Variants in BMPR1B observed in about 807,000 individuals in gnomAD.
BMPR1B encodes the protein bone morphogenetic protein receptor type-1B.
Under a neutral mutation model 59.1 loss-of-function variants are expected in BMPR1B, and 12 were observed. The ratio of observed to expected loss-of-function variants is 0.20; its 90% CI spans 0.13 to 0.33. The LOEUF is 0.33. Among genes scored for constraint, BMPR1B ranks in the 10% least tolerant of loss-of-function variants. BMPR1B has a pLI of 1.00. For synonymous variants in BMPR1B, 237 were observed against 207.3 expected (o/e 1.14, Z -1.23); for missense variants, 550 against 610.9 (o/e 0.90, Z 1.05).
chr4:95,056,105 A>G (rs1049195714), intron 3 of BMPR1B, among the ~76,000 whole-genome samples: 13 of 152,234 alleles, frequency 8.5e-5, no homozygotes, highest in African/African-American at 3.1e-4. Flanking sequence ...AACTAATTAT[A>G]GAACAATTAT....
chr4:95,021,224 C>T (rs1296335577), intron 3 of BMPR1B, among the ~76,000 whole-genome samples: 1 of 152,156 alleles, frequency 6.6e-6, no homozygotes, highest in Admixed American at 6.5e-5. Context: ...TCTTTCAATT[C>T]CTACCATATT....
intron 3 of BMPR1B, among the ~76,000 whole-genome samples, chr4:95,056,757 A>T (rs17346133): frequency 0.029 from 4,386 of 152,222 alleles, 80 homozygotes; most frequent in Non-Finnish European, 0.048. Context: ...CTCACTGCTT[A>T]CTGAGCATCA....
chr4:95,081,828 A>G lies in BMPR1B; in HGVS notation c.-17-22580A>G, dbSNP rs529693100. ...TTATTCTTAATATGTCAATCACAAC[A>G]ACATGCTATAACAGATTGAGTGCAG... On this transcript the variant is annotated intron_variant, in intron 3 of 12. Coordinates refer to ENST00000515059, the MANE Select transcript of BMPR1B (RefSeq NM_001203.3). 1.2e-4 allele frequency among the ~76,000 whole-genome samples: 19 copies of G among 152,342 alleles called. No homozygotes were observed. The South Asian group carries it at 3.7e-3, about 30-fold the overall frequency.
chr4:94,891,226 T>TA (rs958620633), intron 2 of BMPR1B, among the ~76,000 whole-genome samples: 31 of 152,108 alleles, frequency 2.0e-4, no homozygotes, highest in African/African-American at 7.2e-4. Context: ...ACATTCCACT[T>TA]ACATCTTATT....
intron 9 of BMPR1B, among the ~76,000 whole-genome samples, chr4:95,130,765 C>CTG (rs1330553976): frequency 2.6e-5 from 3 of 113,678 alleles, no homozygotes; most frequent in African/African-American, 1.0e-4. Context: ...AAGTCTCGCT[C>CTG]TGTCACCCAG....
chr4:94,844,977 A>C (rs1268006692), intron 1 of BMPR1B, among the ~76,000 whole-genome samples: 2 of 152,208 alleles, frequency 1.3e-5, no homozygotes. Flanking sequence ...GAGAGTAAAG[A>C]GGAAAAATTA....
chr4:95,060,660 C>G (rs752096290), intron 3 of BMPR1B, among the ~76,000 whole-genome samples: 1 of 152,162 alleles, frequency 6.6e-6, no homozygotes, highest in African/African-American at 2.4e-5. Context: ...GAAATCTGTT[C>G]AGAGTTTGGC....
intron 3 of BMPR1B, among the ~76,000 whole-genome samples, chr4:95,042,369 A>G (rs1027583955): frequency 9.8e-5 from 15 of 152,362 alleles, no homozygotes; most frequent in African/African-American, 3.6e-4. Flanking sequence ...TCGCTGACAC[A>G]GTGACACCTT....
intron 3 of BMPR1B, among the ~76,000 whole-genome samples, chr4:95,008,383 C>A (rs1722998561): frequency 6.6e-6 from 1 of 152,116 alleles, no homozygotes; most frequent in Non-Finnish European, 1.5e-5. Flanking sequence ...CCATCCATGG[C>A]AGATATCATC....
chr4:94,798,058 G>T (rs937459791), intron 1 of BMPR1B, among the ~76,000 whole-genome samples: 2 of 152,156 alleles, frequency 1.3e-5, no homozygotes, highest in African/African-American at 4.8e-5. Context: ...TACAGCATTT[G>T]TGATTATTAT....
chr4:95,075,717 A>C (rs1482621598), intron 3 of BMPR1B, among the ~76,000 whole-genome samples: 1 of 147,702 alleles, frequency 6.8e-6, no homozygotes, highest in African/African-American at 2.5e-5. Flanking sequence ...TTTTGAGAGA[A>C]TTTTCATATT....
intron 1 of BMPR1B, among the ~76,000 whole-genome samples, chr4:94,834,203 A>G (rs1724709707): frequency 6.6e-6 from 1 of 152,192 alleles, no homozygotes; most frequent in Non-Finnish European, 1.5e-5. Context: ...GAGTATCAGC[A>G]GGTGATCATC....
At chr4:95,041,569 C>T (rs887108702) in intron 3 of BMPR1B, among the ~76,000 whole-genome samples, 3 of 151,816 alleles carry the variant, frequency 2.0e-5, no homozygotes, top group Non-Finnish European at 2.9e-5. Context: ...GTGAATCTTA[C>T]CAGCCTCCCA....
chr4:94,948,228 C>A (rs1729792310), intron 2 of BMPR1B, among the ~76,000 whole-genome samples: 1 of 152,186 alleles, frequency 6.6e-6, no homozygotes, highest in Non-Finnish European at 1.5e-5. Flanking sequence ...TCAAACTCTT[C>A]TAAAGAGCCT....
chr4:94,865,721 G>T (rs940664141), intron 1 of BMPR1B, among the ~76,000 whole-genome samples: 1 of 152,068 alleles, frequency 6.6e-6, no homozygotes, highest in African/African-American at 2.4e-5. Context: ...TCCTTCAATG[G>T]TTCCCATTGC....
intron 3 of BMPR1B, among the ~76,000 whole-genome samples, chr4:94,998,055 T>C (rs1233376335): frequency 1.3e-5 from 2 of 152,184 alleles, no homozygotes; most frequent in African/African-American, 4.8e-5. Context: ...AAATACAAAA[T>C]TGTGACACTG....
chr4:95,131,325 G>C lies in BMPR1B; in HGVS notation c.889G>C (p.Asp297His), dbSNP rs1205132180. 6.2e-7 allele frequency: 1 copy of C among 1,613,762 alleles called. No homozygotes were observed. The highest frequency in any genetic ancestry group is 8.5e-7 in the Non-Finnish European group (1 of 1,179,992). ...TGATTATCTGAAGTCCACCACCCTA[G>C]ACGCTAAATCAATGCTGAAGTTAGC... ...LYDYLKSTTL[D>H]AKSMLKLAYS... Residue 297 changes from aspartate to histidine, a missense_variant, in exon 10 of 13, where the codon GAC becomes CAC. This residue lies in a region of BMPR1B where 318 missense variants were observed against 284.6 expected (regional missense o/e 1.12). Transcript: ENST00000515059.
intron 1 of BMPR1B, among the ~76,000 whole-genome samples, chr4:94,783,090 C>A (rs920658132): frequency 1.3e-5 from 2 of 152,146 alleles, no homozygotes; most frequent in Non-Finnish European, 2.9e-5. Context: ...GTTTCTGTCT[C>A]TGACGGTCTC....
intron 2 of BMPR1B, among the ~76,000 whole-genome samples, chr4:94,950,800 A>C (rs1007127107): frequency 9.2e-5 from 14 of 152,146 alleles, no homozygotes; most frequent in African/African-American, 3.1e-4. Flanking sequence ...TATGAAATTT[A>C]AAGTAGTTTT....
Sources: allele counts gnomAD v4.1 joint callset (sites outside exome capture counted in the v4.1 genomes callset), GRCh38; gene constraint gnomAD v4.1.1; regional missense constraint gnomAD v4.1.1; transcripts MANE v1.5; gene names NCBI Gene and HGNC (gene_info 2026-07-23, HGNC 2026-07-21).